SYCE1: variants seen among roughly 807,000 people sequenced by gnomAD.
SYCE1 encodes synaptonemal complex central element protein 1, also known as cancer/testis antigen 76.
SYCE1 carries 37 observed loss-of-function variants against 55.1 expected under a neutral mutation model. The ratio of observed to expected loss-of-function variants is 0.67; its 90% confidence interval spans 0.52 to 0.88. The LOEUF is 0.88. Ranked by LOEUF, SYCE1 falls within the 40% of genes least tolerant of loss-of-function variation. SYCE1 has a pLI of 0.00. For missense variants in SYCE1, 399 were observed against 416.4 expected, an observed-to-expected ratio of 0.96 and a Z score of 0.36; for synonymous variants, 163 against 159.4, an observed-to-expected ratio of 1.02 and a Z score of -0.17.
rs1356028062 is a variant in SYCE1, at chr10:133,565,544, C to T, written c.-15G>A. Reference sequence around the variant, plus strand: ...CTCCCCGCCATTTCCTCTCAGCTCGCCAGCGAGGGTGCCTCGGGAGGGAGC... The same window carrying T: ...CTCCCCGCCATTTCCTCTCAGCTCGTCAGCGAGGGTGCCTCGGGAGGGAGC... On this transcript the variant is annotated 5_prime_UTR_variant, in exon 1 of 13. Coordinates refer to ENST00000343131, the MANE Select transcript of SYCE1 (RefSeq NM_001143764.3). 3.9e-6 allele frequency: 6 copies of T among 1,548,776 alleles called. No individual in the cohort carries two copies. Among genetic ancestry groups the T allele is most frequent in the Middle Eastern group, 1.7e-4 (1 of 6,012 alleles).
Position 133,565,378 on chromosome 10 carries a change from GCCGCCACC to G in SYCE1, c.73+71_73+78del, listed in dbSNP as rs1851903286. 2.3e-6 allele frequency: 3 copies of G among 1,305,938 alleles called. No individual in the cohort carries two copies. In the African/African-American group the frequency reaches 4.5e-5, roughly 20 times the overall value. 80.9% of individuals were successfully genotyped at this position (1,305,938 alleles called of 1,614,324 possible). ...GCATCAGGACTGACAGGAAGAAGCA[GCCGCCACC>G]CGCGCCCCAACCCTGCCCCGCCTCG... On this transcript the variant is annotated intron_variant, in intron 1 of 12. Transcript: ENST00000343131.
rs1434616131 is a variant in SYCE1 at position 133,555,239 on chromosome 10, C to T, written c.919-110G>A. ...TGGACCCAGTATGGGAAAGGCCCTC[C>T]CCATAGACCATCCTCTGAGGAGTCC... On this transcript the variant is annotated intron_variant, in intron 12 of 12. Transcript: ENST00000343131. 2.6e-6 allele frequency: 4 copies of T among 1,568,054 alleles called. No individual in the cohort carries two copies. In the African/African-American group the frequency reaches 5.4e-5, roughly 21 times the overall value.
chr10:133,568,252 C>G, upstream of SYCE1: 2 of 1,422,220 alleles, frequency 1.4e-6, no homozygotes, highest in Non-Finnish European at 1.9e-6. Context: ...GTCCTCCAGG[C>G]CGCGTTCCCC....
chr10:133,554,917 C>T lies in SYCE1; in HGVS notation c.*75G>A. 6.8e-7 allele frequency: 1 copy of T among 1,469,700 alleles called. No individual in the cohort carries two copies. 91.0% of individuals were successfully genotyped at this position (1,469,700 alleles called of 1,614,324 possible). ...CCCAGACCAAGAGGCAGAGTCAAGC[C>T]AAGGCTTCAATCAGTCACAGGAGAC... On this transcript the variant is annotated 3_prime_UTR_variant, in exon 13 of 13. Transcript: ENST00000343131.
chr10:133,557,348 T>G, intron 6 of SYCE1, 192 bp from the exon 7 acceptor site: 1 of 604,882 alleles, frequency 1.7e-6, no homozygotes, highest in Non-Finnish European at 2.9e-6. Context: ...TAAGAGAGAT[T>G]AATGTGGACA....
At chr10:133,554,719 T>G, downstream of SYCE1, 1 of 842,342 alleles carries the variant, frequency 1.2e-6, no homozygotes, top group Non-Finnish European at 2.0e-6. Flanking sequence ...ACAAGGTATG[T>G]GTATGTGTGT....
chr10:133,566,760 G>T (rs1488463415), upstream of SYCE1, among the ~76,000 whole-genome samples: 2 of 151,524 alleles, frequency 1.3e-5, no homozygotes, highest in Non-Finnish European at 2.9e-5. Context: ...AGGGTTAGGG[G>T]TTACAGTTTA....
At position 133,555,108 on chromosome 10, in the gene SYCE1, C is replaced by T; in HGVS notation, c.940G>A (p.Gly314Arg). ...GDVASPKPLK[G>R]ERPGAAHQAG... ...TGGTGTGCAGCTCCAGGTCTTTCTCCTTTTAGGGGCTTGGGACTGGCCTGC... is the reference window on the plus strand; with the variant it reads ...TGGTGTGCAGCTCCAGGTCTTTCTCTTTTTAGGGGCTTGGGACTGGCCTGC... Residue 314 changes from glycine to arginine, a missense_variant, in exon 13 of 13, where the codon GGA (glycine) becomes AGA (arginine). By Grantham distance (125) the Gly-to-Arg change is moderately radical (BLOSUM62 -2). Transcript: ENST00000343131. 6.5e-7 allele frequency: 1 copy of T among 1,550,036 alleles called. No homozygotes were observed. Among genetic ancestry groups the T allele is most frequent in the Non-Finnish European group, 8.7e-7 (1 of 1,146,538 alleles).
chr10:133,562,095 G>C (rs998558085), intron 1 of SYCE1, among the ~76,000 whole-genome samples: 3 of 151,696 alleles, frequency 2.0e-5, no homozygotes, highest in Admixed American at 2.0e-4. Flanking sequence ...TTTTTTCCAT[G>C]ACAGCCTGGG....
At chr10:133,559,142 G>A in intron 3 of SYCE1, 159 bp downstream of exon 3, 2 of 920,626 alleles carry the variant, frequency 2.2e-6, no homozygotes, top group Non-Finnish European at 1.7e-6. Flanking sequence ...AACTATGGCA[G>A]TCGCATGCTG....
upstream of SYCE1, chr10:133,568,161 T>G: frequency 1.1e-6 from 1 of 909,296 alleles, no homozygotes; most frequent in Non-Finnish European, 1.7e-6. Flanking sequence ...AGGCCGCCCG[T>G]GGGTCCAGCG....
rs558333024 is a variant in SYCE1, at chr10:133,561,898, C to T, written c.74-1745G>A. 1.2e-4 allele frequency among the ~76,000 whole-genome samples: 18 copies of T among 151,940 alleles called. No individual in the cohort carries two copies. The South Asian group carries it at 3.5e-3, about 30-fold the overall frequency. On this transcript the variant is annotated intron_variant, in intron 1 of 12. Transcript: ENST00000343131. ...GGCCTCTGAAGTGGCTAAATTCCCA[C>T]CAGAAAAGGGGTGGTGGGGGAAGAA...
intron 1 of SYCE1, among the ~76,000 whole-genome samples, chr10:133,563,083 C>A (rs1564858587): frequency 6.6e-6 from 1 of 152,190 alleles, no homozygotes; most frequent in Non-Finnish European, 1.5e-5. Context: ...TACAAGATGC[C>A]CAGTTTTTCA....
chr10:133,559,964 G>C, intron 2 of SYCE1, 127 bp downstream of exon 2: 2 of 789,148 alleles, frequency 2.5e-6, no homozygotes, highest in South Asian at 1.8e-5. Context: ...AAGTAATTAA[G>C]TTTTAAAAGA....
chr10:133,565,319 T>G (rs1353065101), intron 1 of SYCE1, 138 bp downstream of exon 1: 2 of 765,840 alleles, frequency 2.6e-6, no homozygotes, highest in Non-Finnish European at 3.8e-6. Context: ...TGGCCGAAAT[T>G]TTTCTGAAGA....
At chr10:133,558,672 C>T (rs1851746989) in intron 4 of SYCE1, 1 of 579,836 alleles carries the variant, frequency 1.7e-6, no homozygotes, top group Non-Finnish European at 3.0e-6. Flanking sequence ...CAGCGTCTGG[C>T]AAAAGCCCTG....
At chr10:133,568,062 GGCCAGATGTGGT>G, upstream of SYCE1, 1 of 649,990 alleles carries the variant, frequency 1.5e-6, no homozygotes, top group Non-Finnish European at 2.8e-6. Context: ...GCGGCCCGGG[GGCCAGATGTGGT>G]CACCGAGCCC....
chr10:133,557,012 A>T, intron 7 of SYCE1, 55 bp downstream of exon 7: 4 of 1,563,330 alleles, frequency 2.6e-6, no homozygotes. Context: ...CATCTTTGAC[A>T]TTATATCCCA....
chr10:133,565,857 G>A (rs1851922618), upstream of SYCE1, among the ~76,000 whole-genome samples: 1 of 152,246 alleles, frequency 6.6e-6, no homozygotes, highest in Admixed American at 6.5e-5. Context: ...CCACCAACGA[G>A]CAGTACGCAT....
Sources: allele counts gnomAD v4.1 joint callset (sites outside exome capture counted in the v4.1 genomes callset), GRCh38; gene constraint gnomAD v4.1.1; transcripts MANE v1.5; gene names NCBI Gene and HGNC (gene_info 2026-07-23, HGNC 2026-07-21).